IL22RA1: variants seen among roughly 807,000 people sequenced by gnomAD.
The protein encoded by IL22RA1 is interleukin-22 receptor subunit alpha-1.
Under a neutral mutation model 32.8 loss-of-function variants are expected in IL22RA1, and 25 were observed. The ratio of observed to expected loss-of-function variants is 0.76; its 90% confidence interval spans 0.55 to 1.06. The LOEUF (loss-of-function observed/expected upper bound fraction) is 1.06, where lower values mean the gene tolerates loss of function less well. Among genes scored for constraint, IL22RA1 ranks in the 50% least tolerant of loss-of-function variants. The probability of loss-of-function intolerance (pLI) is 0.00; values close to 1 mark genes in which losing one functional copy is unlikely to be tolerated. For missense variants in IL22RA1, 709 were observed against 727.4 expected, an observed-to-expected ratio of 0.97 and a Z score of 0.29; for synonymous variants, 305 against 305.0, an observed-to-expected ratio of 1.00 and a Z score of 0.00.
intron 3 of IL22RA1, chr1:24,134,894 A>T: frequency 1.1e-6 from 1 of 948,250 alleles, no homozygotes; most frequent in African/African-American, 1.8e-5. Context: ...TTGCTGGTTT[A>T]CAGACTCCTT....
chr1:24,122,297 G>A (rs1644129802), intron 6 of IL22RA1, among the ~76,000 whole-genome samples: 1 of 152,078 alleles, frequency 6.6e-6, no homozygotes, highest in African/African-American at 2.4e-5. Flanking sequence ...TGCTCTAGCA[G>A]AGGCGGCACT....
At chr1:24,139,809 A>G (rs1205947136) in intron 1 of IL22RA1, among the ~76,000 whole-genome samples, 3 of 152,206 alleles carry the variant, frequency 2.0e-5, no homozygotes, top group African/African-American at 4.8e-5. Flanking sequence ...CAGTTTCTCC[A>G]CATCGCCATT....
At chr1:24,127,016 C>CA (rs59069321) in intron 5 of IL22RA1, among the ~76,000 whole-genome samples, 4,927 of 72,824 alleles carry the variant, frequency 0.068, 96 homozygotes, top group South Asian at 0.13. Flanking sequence ...ACTAAAAATA[C>CA]AAAAAAAAAA....
intron 1 of IL22RA1, among the ~76,000 whole-genome samples, chr1:24,140,791 G>A (rs1644276005): frequency 6.6e-6 from 1 of 152,250 alleles, no homozygotes; most frequent in South Asian, 2.1e-4. Context: ...TGGCCGGCTG[G>A]CGTGGGAAAT....
rs148875887 is a variant in IL22RA1 at position 24,126,682 on chromosome 1, A to G, written c.670+1459T>C. Among the ~76,000 whole-genome samples the G allele has an allele frequency of 2.2e-3, 337 of 152,352 alleles. 2 individuals carry two copies. Among genetic ancestry groups the G allele is most frequent in the African/African-American group, 7.8e-3 (325 of 41,590 alleles). On this transcript the variant is annotated intron_variant, in intron 5 of 6. Transcript: ENST00000270800. ...ACATCATGAATCTGAACATGAGGAT[A>G]AAGTGGAGACTGTTTTACCAAATCT...
chr1:24,140,360 A>C (rs1644272385), intron 1 of IL22RA1, among the ~76,000 whole-genome samples: 1 of 152,200 alleles, frequency 6.6e-6, no homozygotes, highest in Non-Finnish European at 1.5e-5. Context: ...TTGAGTCTGA[A>C]GGGAGGAGAC....
intron 3 of IL22RA1, among the ~76,000 whole-genome samples, chr1:24,134,634 CAGTCCCCT>C (rs751300707): frequency 5.3e-5 from 8 of 152,160 alleles, no homozygotes; most frequent in Non-Finnish European, 8.8e-5. Flanking sequence ...GGAGGGGCAC[CAGTCCCCT>C]AGCTTGGTCA....
chr1:24,124,490 G>A (rs1053207626), intron 5 of IL22RA1, among the ~76,000 whole-genome samples: 1 of 152,166 alleles, frequency 6.6e-6, no homozygotes, highest in Non-Finnish European at 1.5e-5. Flanking sequence ...TGGGGCTTGT[G>A]AAGGACTTAT....
chr1:24,133,112 T>C (rs1644218021), intron 4 of IL22RA1, among the ~76,000 whole-genome samples: 1 of 151,326 alleles, frequency 6.6e-6, no homozygotes. Context: ...AAATTGATAC[T>C]GGCTTCCAGA....
Position 24,138,641 on chromosome 1 carries a change from C to A in IL22RA1, c.117G>T (p.Leu39=). ...KFQSSNFENI[L]TWDSGPEGTP... ...TGCCCTCCGGCCCGCTGTCCCACGT[C>A]AGGATGTTTTCAAAGTTGCTGGACT... Residue 39 remains leucine, a synonymous_variant, in exon 2 of 7, where the codon CTG becomes CTT. Transcript: ENST00000270800. 1 of 1,614,126 alleles carries A rather than the reference C, an allele frequency of 6.2e-7. No individual in the cohort carries two copies.
chr1:24,138,690 T>C lies in IL22RA1; in HGVS notation c.68A>G (p.Asp23Gly). 6.2e-7 allele frequency: 1 copy of C among 1,614,160 alleles called. No homozygotes were observed. The highest frequency in any genetic ancestry group is 8.5e-7 in the Non-Finnish European group (1 of 1,180,024). ...CTGGAATTTCACGTGCTGGAGCAGATCCGAGGGGTCCTCAGGGGCGTGAGC... is the reference window on the plus strand; with the variant it reads ...CTGGAATTTCACGTGCTGGAGCAGACCCGAGGGGTCCTCAGGGGCGTGAGC... Reference protein sequence around the residue: ...LAAHAPEDPSDLLQHVKFQSS... With the variant: ...LAAHAPEDPSGLLQHVKFQSS... Residue 23 changes from aspartate to glycine, a missense_variant, in exon 2 of 7, where the codon GAT becomes GGT. Asp to Gly is a moderately conservative substitution (Grantham distance 94, BLOSUM62 -1). Transcript: ENST00000270800.
chr1:24,126,603 C>G (rs1644163327), intron 5 of IL22RA1, among the ~76,000 whole-genome samples: 1 of 152,190 alleles, frequency 6.6e-6, no homozygotes, highest in Non-Finnish European at 1.5e-5. Flanking sequence ...GTCCAGCTTG[C>G]AAACTCAACT....
At chr1:24,142,932 G>C in intron 1 of IL22RA1, 108 bp downstream of exon 1, 1 of 1,070,956 alleles carries the variant, frequency 9.3e-7, no homozygotes, top group Non-Finnish European at 1.4e-6. Flanking sequence ...TAGCAGGGGA[G>C]AAACTGAAAC....
At chr1:24,127,034 A>AAAAAAAC (rs1644166231) in intron 5 of IL22RA1, among the ~76,000 whole-genome samples, 1 of 149,100 alleles carries the variant, frequency 6.7e-6, no homozygotes, top group Non-Finnish European at 1.5e-5. Context: ...AAAAAAAAAA[A>AAAAAAAC]ATTAGCCAGG....
intron 6 of IL22RA1, among the ~76,000 whole-genome samples, chr1:24,122,789 C>T (rs1435805250): frequency 4.0e-5 from 6 of 150,832 alleles, no homozygotes; most frequent in African/African-American, 1.2e-4. Context: ...CAGAGGGAGA[C>T]TCCATCTCAA....
At chr1:24,139,439 T>G (rs1416067108) in intron 1 of IL22RA1, among the ~76,000 whole-genome samples, 1 of 152,210 alleles carries the variant, frequency 6.6e-6, no homozygotes. Flanking sequence ...TCAGTTGTCT[T>G]GGGTATATAT....
chr1:24,142,856 T>G (rs1376927027), intron 1 of IL22RA1, among the ~76,000 whole-genome samples, 184 bp downstream of exon 1: 5 of 152,206 alleles, frequency 3.3e-5, no homozygotes, highest in Admixed American at 6.5e-5. Context: ...AGGCACCCTC[T>G]CATGCCCCCA....
intron 5 of IL22RA1, among the ~76,000 whole-genome samples, chr1:24,126,502 C>T (rs1644162408): frequency 6.6e-6 from 1 of 152,198 alleles, no homozygotes; most frequent in African/African-American, 2.4e-5. Context: ...CTGAGTGACT[C>T]CCCCAGGCAC....
intron 3 of IL22RA1, 34 bp downstream of exon 3, chr1:24,137,096 TC>T: frequency 6.3e-7 from 1 of 1,591,838 alleles, no homozygotes. Context: ...GCTTTCCTCT[TC>T]CCTCCCCTGA....
Sources: gnomAD v4.1 joint callset for allele counts (sites outside exome capture counted in the v4.1 genomes callset) on GRCh38, gnomAD v4.1.1 for gene constraint, MANE v1.5 for transcripts, NCBI Gene and HGNC (gene_info 2026-07-23, HGNC 2026-07-21) for gene names.